Variants in FBXL7 observed in about 807,000 individuals in gnomAD.
FBXL7 encodes the protein F-box/LRR-repeat protein 7.
In FBXL7, 12 loss-of-function variants were observed where a neutral mutation model predicts 38.3. That is an observed-to-expected ratio of 0.31 (90% CI 0.20 to 0.51). The LOEUF is 0.51. FBXL7 is among the 20% of genes least tolerant of loss of function. The pLI is 0.98. For missense variants in FBXL7, 567 were observed against 676.4 expected (o/e 0.84, Z 1.79); for synonymous variants, 297 against 300.9 (o/e 0.99, Z 0.13).
At chr5:15,501,819 A>T in intron 1 of FBXL7, 1 of 882,228 alleles carries the variant, frequency 1.1e-6, no homozygotes, top group Non-Finnish European at 1.4e-6. Context: ...TCTTTAAGTC[A>T]TTCTTTTTCC....
At chr5:15,798,809 G>A (rs1369577662) in intron 2 of FBXL7, among the ~76,000 whole-genome samples, 2 of 152,184 alleles carry the variant, frequency 1.3e-5, no homozygotes, top group Admixed American at 1.3e-4. Flanking sequence ...ACATTTCTGA[G>A]AGAATGTGGT....
chr5:15,936,879 C>T lies in FBXL7; in HGVS notation c.1169C>T (p.Thr390Met). The T allele has an allele frequency of 6.2e-7, 1 of 1,614,006 alleles. No homozygotes were observed. Among genetic ancestry groups the T allele is most frequent in the African/African-American group, 1.3e-5 (1 of 75,074 alleles). ...YLNARGCEGI[T>M]DHGVEYLAKN... Reference sequence around the variant, plus strand: ...AACGCGAGGGGCTGCGAGGGCATCACGGACCACGGTGTGGAGTACCTCGCC... The same window carrying T: ...AACGCGAGGGGCTGCGAGGGCATCATGGACCACGGTGTGGAGTACCTCGCC... Residue 390 changes from threonine (T) to methionine (M), a missense_variant, in exon 4 of 4, where the codon ACG (threonine) becomes ATG (methionine). By Grantham distance (81) the Thr-to-Met change is moderately conservative. Transcript: ENST00000504595. This position sits in a 1 kb window ranked among gnomAD's most constrained non-coding sequence, Gnocchi z 6.0.
At chr5:15,723,282 T>A (rs192838022) in intron 2 of FBXL7, among the ~76,000 whole-genome samples, 3 of 152,346 alleles carry the variant, frequency 2.0e-5, no homozygotes, top group Admixed American at 1.3e-4. Flanking sequence ...TAGTAATTAC[T>A]GTACTTTGTT....
At chr5:15,767,844 T>G (rs992863402) in intron 2 of FBXL7, among the ~76,000 whole-genome samples, 3 of 152,242 alleles carry the variant, frequency 2.0e-5, no homozygotes, top group Non-Finnish European at 4.4e-5. Context: ...ACTTCATGAT[T>G]GTTCATAAAA....
At chr5:15,565,981 C>G (rs1738561272) in intron 1 of FBXL7, among the ~76,000 whole-genome samples, 2 of 152,044 alleles carry the variant, frequency 1.3e-5, no homozygotes, top group South Asian at 4.1e-4. Flanking sequence ...CAGGGCACTC[C>G]ATGGCCCAAC....
intron 2 of FBXL7, among the ~76,000 whole-genome samples, chr5:15,659,333 AC>A (rs1307298246): frequency 2.0e-5 from 3 of 149,970 alleles, no homozygotes; most frequent in African/African-American, 7.4e-5. Context: ...AATTAGAAAA[AC>A]AATAATTAAA....
At chr5:15,728,757 C>T (rs1174372012) in intron 2 of FBXL7, among the ~76,000 whole-genome samples, 1 of 152,130 alleles carries the variant, frequency 6.6e-6, no homozygotes, top group Admixed American at 6.6e-5. Context: ...TCATGTCATC[C>T]TCATAATATG....
intron 1 of FBXL7, among the ~76,000 whole-genome samples, chr5:15,546,729 T>A (rs1737907317): frequency 6.6e-6 from 1 of 152,158 alleles, no homozygotes; most frequent in South Asian, 2.1e-4. Context: ...AGACCCTGTC[T>A]CAAAAACAAA....
chr5:15,889,071 C>A (rs1352490486), intron 2 of FBXL7, among the ~76,000 whole-genome samples: 1 of 151,802 alleles, frequency 6.6e-6, no homozygotes, highest in Non-Finnish European at 1.5e-5. Context: ...AGGAAGCAGA[C>A]AAACAAGCAG....
At chr5:15,557,666 T>C (rs184613731) in intron 1 of FBXL7, among the ~76,000 whole-genome samples, 1 of 152,288 alleles carries the variant, frequency 6.6e-6, no homozygotes, top group Admixed American at 6.5e-5. Context: ...CAGAGATAAA[T>C]GAAGGAAAGT....
chr5:15,508,877 T>C (rs1736721441), intron 1 of FBXL7, among the ~76,000 whole-genome samples: 1 of 152,128 alleles, frequency 6.6e-6, no homozygotes, highest in Non-Finnish European at 1.5e-5. Flanking sequence ...TTGCCTTTGG[T>C]GGGAGATAAC....
At chr5:15,598,796 C>T (rs1739704796) in intron 1 of FBXL7, among the ~76,000 whole-genome samples, 1 of 152,120 alleles carries the variant, frequency 6.6e-6, no homozygotes, top group Admixed American at 6.6e-5. Context: ...CCTGAGCAAT[C>T]ACTGGGCAAT....
intron 2 of FBXL7, among the ~76,000 whole-genome samples, chr5:15,675,506 C>T (rs1742623328): frequency 6.6e-6 from 1 of 152,198 alleles, no homozygotes; most frequent in South Asian, 2.1e-4. Context: ...ACATAAGTCT[C>T]AGCTAATTTT....
chr5:15,790,383 A>G (rs1348312930), intron 2 of FBXL7, among the ~76,000 whole-genome samples: 1 of 152,038 alleles, frequency 6.6e-6, no homozygotes, highest in East Asian at 1.9e-4. Context: ...CAGTTTTGCA[A>G]CTGTAAAATT....
At chr5:15,601,500 C>T (rs1739790756) in intron 1 of FBXL7, among the ~76,000 whole-genome samples, 1 of 152,120 alleles carries the variant, frequency 6.6e-6, no homozygotes, top group Non-Finnish European at 1.5e-5. Context: ...TTAACTCTTG[C>T]ACAATTGCCT....
chr5:15,750,232 A>C (rs1297393707), intron 2 of FBXL7, among the ~76,000 whole-genome samples: 2 of 152,234 alleles, frequency 1.3e-5, no homozygotes, highest in Non-Finnish European at 2.9e-5. Flanking sequence ...TTGATGATGT[A>C]AAGCTAATAA....
chr5:15,601,315 G>A (rs1163833764), intron 1 of FBXL7, among the ~76,000 whole-genome samples: 8 of 152,224 alleles, frequency 5.3e-5, no homozygotes, highest in South Asian at 2.1e-4. Flanking sequence ...TGTTATTAGC[G>A]TAAAAATGAC....
intron 2 of FBXL7, among the ~76,000 whole-genome samples, chr5:15,897,963 AAAT>A (rs1439727516): frequency 1.3e-5 from 2 of 152,258 alleles, no homozygotes; most frequent in Non-Finnish European, 2.9e-5. Context: ...TGACTCCTAC[AAAT>A]AATGAGACAC....
chr5:15,524,957 C>T (rs1737207375), intron 1 of FBXL7, among the ~76,000 whole-genome samples: 1 of 152,210 alleles, frequency 6.6e-6, no homozygotes, highest in African/African-American at 2.4e-5. Context: ...ATCATCCGCC[C>T]TACTAGGTTC....
Sources: gnomAD v4.1 joint callset for allele counts (sites outside exome capture counted in the v4.1 genomes callset) on GRCh38, gnomAD v4.1.1 for gene constraint, Gnocchi (gnomAD v3.1) non-coding constraint, MANE v1.5 for transcripts, NCBI Gene and HGNC (gene_info 2026-07-23, HGNC 2026-07-21) for gene names.